The following NR3C1 variants were observed in gnomAD, a reference collection of about 807,000 sequenced individuals.
NR3C1 encodes glucocorticoid receptor.
A neutral mutation model predicts 74.0 loss-of-function variants in NR3C1; 14 were observed. That is an observed-to-expected ratio of 0.19 (90% CI 0.12 to 0.30). The LOEUF (loss-of-function observed/expected upper bound fraction) is 0.30, where lower values mean the gene tolerates loss of function less well. NR3C1 is among the 10% of genes least tolerant of loss of function. NR3C1 has a pLI of 1.00. For missense variants in NR3C1, 695 were observed against 909.8 expected (o/e 0.76, Z 3.04); for synonymous variants, 308 against 332.5 (o/e 0.93, Z 0.80).
chr5:143,322,233 G>A (rs1368907743), intron 2 of NR3C1, among the ~76,000 whole-genome samples: 1 of 152,202 alleles, frequency 6.6e-6, no homozygotes, highest in East Asian at 1.9e-4. Flanking sequence ...GTTGCCTAAA[G>A]TGATCTAAGT....
intron 2 of NR3C1, among the ~76,000 whole-genome samples, chr5:143,346,174 G>A (rs1829251558): frequency 6.6e-6 from 1 of 152,208 alleles, no homozygotes; most frequent in South Asian, 2.1e-4. Flanking sequence ...TAATCAGCAA[G>A]CAATTGAGAT....
chr5:143,311,575 A>G (rs1248009879), intron 3 of NR3C1, among the ~76,000 whole-genome samples: 1 of 152,176 alleles, frequency 6.6e-6, no homozygotes, highest in African/African-American at 2.4e-5. Flanking sequence ...ACTAGTATTC[A>G]CTATTTCATA....
Position 143,427,986 on chromosome 5 carries a change from T to C in NR3C1, c.-14+6546A>G, listed in dbSNP as rs192403935. Reference sequence around the variant, plus strand: ...GGTCATTGTTATTCTAATATAAGTATGTCTATGAAAATAGAATGGGCTTCT... The same window carrying C: ...GGTCATTGTTATTCTAATATAAGTACGTCTATGAAAATAGAATGGGCTTCT... On this transcript the variant is annotated intron_variant, in intron 1 of 8. Transcript: ENST00000343796. Among the ~76,000 whole-genome samples, 95 of 152,386 alleles carry C rather than the reference T, an allele frequency of 6.2e-4. 1 individual carries two copies. The highest frequency in any genetic ancestry group is 1.3e-3 in the Non-Finnish European group (88 of 68,042).
At chr5:143,355,611 A>G (rs1462008160) in intron 2 of NR3C1, among the ~76,000 whole-genome samples, 1 of 152,234 alleles carries the variant, frequency 6.6e-6, no homozygotes, top group Non-Finnish European at 1.5e-5. Flanking sequence ...AGTAGGGCAG[A>G]GAAACTCCCA....
intron 2 of NR3C1, among the ~76,000 whole-genome samples, chr5:143,323,482 C>T (rs548486390): frequency 7.2e-5 from 11 of 152,200 alleles, no homozygotes; most frequent in Middle Eastern, 3.4e-3. Context: ...CCCCCACCCC[C>T]GGGTCCCTCC....
chr5:143,391,109 A>G (rs1447899134), intron 2 of NR3C1, among the ~76,000 whole-genome samples: 1 of 152,214 alleles, frequency 6.6e-6, no homozygotes, highest in Non-Finnish European at 1.5e-5. Flanking sequence ...TGAATTCCAG[A>G]TGACAAATTT....
At chr5:143,354,222 T>C (rs1304582041) in intron 2 of NR3C1, among the ~76,000 whole-genome samples, 1 of 152,268 alleles carries the variant, frequency 6.6e-6, no homozygotes, top group East Asian at 1.9e-4. Flanking sequence ...TAAAACTTTC[T>C]TCGTATCAGC....
intron 7 of NR3C1, among the ~76,000 whole-genome samples, chr5:143,283,583 C>T (rs991333710): frequency 2.6e-5 from 4 of 152,158 alleles, no homozygotes; most frequent in South Asian, 2.1e-4. Flanking sequence ...ACTTTAAAAT[C>T]GGCATGCAAT....
At chr5:143,406,366 T>C (rs554715182), upstream of NR3C1, among the ~76,000 whole-genome samples, 7 of 150,192 alleles carry the variant, frequency 4.7e-5, no homozygotes, top group East Asian at 1.4e-3. Flanking sequence ...TGGGGAAGAA[T>C]ACGTAGTTTT....
intron 2 of NR3C1, among the ~76,000 whole-genome samples, chr5:143,378,322 G>C (rs552323481): frequency 4.6e-5 from 7 of 152,090 alleles, no homozygotes; most frequent in Non-Finnish European, 1.0e-4. Context: ...ATCCATAAAG[G>C]CTGGCAGTTC....
At chr5:143,361,773 T>C (rs748230010) in intron 2 of NR3C1, among the ~76,000 whole-genome samples, 38 of 152,164 alleles carry the variant, frequency 2.5e-4, no homozygotes, top group South Asian at 6.2e-4. Flanking sequence ...TTCCAAACAA[T>C]TGGAAACTTG....
At chr5:143,404,007 T>C, upstream of NR3C1, 1 of 985,076 alleles carries the variant, frequency 1.0e-6, no homozygotes, top group Non-Finnish European at 1.2e-6. Context: ...GGGGCGGCGT[T>C]AAGAGGGCCA....
At position 143,295,562 on chromosome 5, in the gene NR3C1, C is replaced by A; in HGVS notation, c.1921G>T (p.Asp641Tyr). The A allele has an allele frequency of 6.2e-7, 1 of 1,612,832 alleles. No individual in the cohort carries two copies. Among genetic ancestry groups the A allele is most frequent in the South Asian group, 1.1e-5 (1 of 90,994 alleles). The change falls in exon 7 of 9, where the codon GAC becomes TAC. Residue 641 changes from aspartate to tyrosine, a missense_variant. Asp to Tyr is a radical substitution (Grantham distance 160). This residue lies in a region of NR3C1 where 133 missense variants were observed against 287.9 expected (regional missense o/e 0.46). Coordinates refer to ENST00000394464, the MANE Select transcript of NR3C1 (RefSeq NM_000176.3). ...EQRMTLPCMY[D>Y]QCKHMLYVSS... Reference sequence around the variant, plus strand: ...ACATACAGCATGTGTTTACATTGGTCGTACATGCAGGGTAGAGTCATTCTC... The same window carrying A: ...ACATACAGCATGTGTTTACATTGGTAGTACATGCAGGGTAGAGTCATTCTC...
chr5:143,287,371 A>AAACT (rs1206922828), intron 7 of NR3C1, among the ~76,000 whole-genome samples: 1 of 152,184 alleles, frequency 6.6e-6, no homozygotes, highest in Admixed American at 6.6e-5. Context: ...GGATCCTACA[A>AAACT]AACTTAAAGG....
chr5:143,415,007 G>C (rs570396892), intron 1 of NR3C1, among the ~76,000 whole-genome samples: 1 of 152,166 alleles, frequency 6.6e-6, no homozygotes, highest in East Asian at 1.9e-4. Flanking sequence ...AAGAAAAATC[G>C]TTATCTTTGT....
intron 2 of NR3C1, among the ~76,000 whole-genome samples, chr5:143,323,333 A>G (rs918845832): frequency 9.2e-5 from 14 of 152,184 alleles, no homozygotes; most frequent in Admixed American, 5.9e-4. Context: ...GGTACTTCTT[A>G]CATGGTGGTG....
chr5:143,339,849 CAGAGAAAA>C (rs1561610476), intron 2 of NR3C1, among the ~76,000 whole-genome samples: 1 of 151,998 alleles, frequency 6.6e-6, no homozygotes, highest in African/African-American at 2.4e-5. Context: ...TTGAAGAACA[CAGAGAAAA>C]AGAAGAATGA....
chr5:143,357,046 G>A (rs985018466), intron 2 of NR3C1, among the ~76,000 whole-genome samples: 4 of 152,036 alleles, frequency 2.6e-5, no homozygotes, highest in East Asian at 1.9e-4. Context: ...ACAGAATTTC[G>A]AAATAATGCT....
intron 2 of NR3C1, among the ~76,000 whole-genome samples, chr5:143,393,072 T>C (rs762693073): frequency 6.6e-6 from 1 of 152,152 alleles, no homozygotes; most frequent in Non-Finnish European, 1.5e-5. Context: ...AGTTCTAATC[T>C]AAAATAACTG....
Sources: allele counts gnomAD v4.1 joint callset (sites outside exome capture counted in the v4.1 genomes callset), GRCh38; gene constraint gnomAD v4.1.1; regional missense constraint gnomAD v4.1.1; transcripts MANE v1.5; gene names NCBI Gene and HGNC (gene_info 2026-07-23, HGNC 2026-07-21).